Variants in ABCA13 observed in about 807,000 individuals in gnomAD.
ABCA13 encodes the protein ATP binding cassette subfamily A member 13.
ABCA13 carries 476 observed loss-of-function variants against 478.7 expected under a neutral mutation model. The ratio of observed to expected loss-of-function variants is 0.99; its 90% CI spans 0.92 to 1.07. ABCA13 has a LOEUF of 1.07. Ranked by LOEUF, ABCA13 falls within the 50% of genes least tolerant of loss-of-function variation. The pLI, the probability that ABCA13 is intolerant of heterozygous loss-of-function variation, is 0.00. For synonymous variants in ABCA13, 2,252 were observed against 2,158.9 expected, an observed-to-expected ratio of 1.04 and a Z score of -1.20; for missense variants, 6,060 against 5,910.6, an observed-to-expected ratio of 1.03 and a Z score of -0.83.
chr7:48,512,229 A>G (rs1309375751), intron 51 of ABCA13, among the ~76,000 whole-genome samples: 1 of 152,202 alleles, frequency 6.6e-6, no homozygotes, highest in East Asian at 1.9e-4. Context: ...TAGCTTTGGT[A>G]ATACTAATTA....
Position 48,587,251 on chromosome 7 carries a change from C to G in ABCA13, c.14603C>G (p.Ala4868Gly), listed in dbSNP as rs771406747. 6.2e-7 allele frequency: 1 copy of G among 1,611,222 alleles called. No individual in the cohort carries two copies. Among genetic ancestry groups the G allele is most frequent in the Non-Finnish European group, 8.5e-7 (1 of 1,178,690 alleles). Residue 4868 changes from alanine (A) to glycine (G), a missense_variant, in exon 57 of 62, where the codon GCC becomes GGC. This residue lies in a region of ABCA13 where 1,627 missense variants were observed against 1,571.0 expected (regional missense o/e 1.04). Coordinates refer to ENST00000435803, the MANE Select transcript of ABCA13 (RefSeq NM_152701.5). ...SGGTKRKLST[A>G]LALVGKPDIL... ...GGAACCAAGCGGAAACTCTCTACAGCCCTGGCCCTGGTGGGGAAACCTGAC... is the reference window on the plus strand; with the variant it reads ...GGAACCAAGCGGAAACTCTCTACAGGCCTGGCCCTGGTGGGGAAACCTGAC...
chr7:48,291,215 C>A (rs1477527152), intron 20 of ABCA13, among the ~76,000 whole-genome samples: 1 of 152,164 alleles, frequency 6.6e-6, no homozygotes, highest in Non-Finnish European at 1.5e-5. Flanking sequence ...GAGGCTGTGT[C>A]TCTTCTGGTA....
intron 55 of ABCA13, among the ~76,000 whole-genome samples, chr7:48,563,483 GAGATAAGAATGA>G (rs1786675430): frequency 6.6e-6 from 1 of 152,150 alleles, no homozygotes; most frequent in South Asian, 2.1e-4. Flanking sequence ...CTCAGATAAA[GAGATAAGAATGA>G]AGTCACCTGG....
chr7:48,325,471 T>C (rs766725475), intron 27 of ABCA13, among the ~76,000 whole-genome samples: 1 of 152,140 alleles, frequency 6.6e-6, no homozygotes, highest in Non-Finnish European at 1.5e-5. Context: ...TTTCAAAAAA[T>C]ATCAGACGGT....
rs1233654931 is a variant in ABCA13, at chr7:48,332,403, G to C, written c.10000-3019G>C. On this transcript the variant is annotated intron_variant, in intron 27 of 61. Transcript: ENST00000435803. ...TGGCTTACCACAGTTCATTGGCATTGAGATTTTACCACTTCAAACCAGGTA... is the reference window on the plus strand; with the variant it reads ...TGGCTTACCACAGTTCATTGGCATTCAGATTTTACCACTTCAAACCAGGTA... 3.9e-5 allele frequency among the ~76,000 whole-genome samples: 6 copies of C among 152,324 alleles called. No homozygotes were observed. In the East Asian group the frequency reaches 1.2e-3, roughly 29 times the overall value.
At chr7:48,183,832 T>A (rs1253661021) in intron 1 of ABCA13, among the ~76,000 whole-genome samples, 3 of 152,140 alleles carry the variant, frequency 2.0e-5, no homozygotes, top group Admixed American at 2.0e-4. Context: ...GACTTCCAAT[T>A]TTTTTTTCTT....
rs928371929 is a variant in ABCA13, at chr7:48,388,093, T to G, written c.11473+134T>G. 11 of 959,320 alleles carry G rather than the reference T, an allele frequency of 1.1e-5. No individual in the cohort carries two copies. In the South Asian group the frequency reaches 1.8e-4, roughly 15 times the overall value. The allele number at this position is 959,320 out of a possible 1,614,324, so 59.4% of individuals were successfully genotyped here. On this transcript the variant is annotated intron_variant, in intron 36 of 61. Coordinates refer to ENST00000435803, the MANE Select transcript of ABCA13 (RefSeq NM_152701.5). ...AGAGAGACTTACATTTAGGCTGTCT[T>G]GGGCTGGGAAACAGCTGCAAGCCCA...
rs117130625 is a variant in ABCA13 at position 48,583,155 on chromosome 7, A to G, written c.14505+2781A>G. Among the ~76,000 whole-genome samples, 414 of 152,302 alleles carry G rather than the reference A, an allele frequency of 2.7e-3. 1 individual carries two copies. Among genetic ancestry groups the G allele is most frequent in the Non-Finnish European group, 4.9e-3 (333 of 68,026 alleles). On this transcript the variant is annotated intron_variant, in intron 56 of 61. Coordinates refer to ENST00000435803, the MANE Select transcript of ABCA13 (RefSeq NM_152701.5). ...TCATCTTAGTTTTGTTAATACCTGC[A>G]CATTCCTACCAGGGACTGTCCCTAC...
intron 57 of ABCA13, among the ~76,000 whole-genome samples, chr7:48,591,565 T>C (rs1299931438): frequency 1.3e-5 from 2 of 152,000 alleles, no homozygotes; most frequent in Non-Finnish European, 2.9e-5. Flanking sequence ...TCGCTTTGGG[T>C]AATATGGACA....
intron 32 of ABCA13, among the ~76,000 whole-genome samples, chr7:48,371,406 T>C (rs906335518): frequency 1.3e-5 from 2 of 152,200 alleles, no homozygotes; most frequent in Non-Finnish European, 2.9e-5. Context: ...ATTCTTCCTA[T>C]CCATGACCAT....
intron 27 of ABCA13, among the ~76,000 whole-genome samples, chr7:48,330,481 A>G (rs1046970221): frequency 1.1e-4 from 13 of 119,052 alleles, no homozygotes; most frequent in African/African-American, 3.1e-4. Context: ...TTGTCCATCC[A>G]TCCGTCCATC....
At chr7:48,258,546 A>G (rs756075229) in intron 15 of ABCA13, among the ~76,000 whole-genome samples, 3 of 151,898 alleles carry the variant, frequency 2.0e-5, no homozygotes, top group Non-Finnish European at 4.4e-5. Flanking sequence ...GCTCTGCATC[A>G]TTGATCTTTT....
chr7:48,350,280 T>C (rs767137942), intron 29 of ABCA13, among the ~76,000 whole-genome samples: 1 of 152,208 alleles, frequency 6.6e-6, no homozygotes, highest in Non-Finnish European at 1.5e-5. Context: ...TGGAACTTTT[T>C]TTTTCCCCTG....
chr7:48,238,637 C>T (rs56322739), intron 8 of ABCA13, among the ~76,000 whole-genome samples: 25,593 of 151,828 alleles, frequency 0.17, 2,642 homozygotes, highest in African/African-American at 0.3. Flanking sequence ...CCTGGCTAAT[C>T]TTTTGTATTT....
rs150512386 is a variant in ABCA13 at position 48,351,776 on chromosome 7, C to T, written c.10382-405C>T. On this transcript the variant is annotated intron_variant, in intron 30 of 61. Transcript: ENST00000435803. ...CTTTATGCATACAATTCAAAGAATC[C>T]GTGTGGCATAAAATAGAATCCATGT... 1.2e-4 allele frequency among the ~76,000 whole-genome samples: 18 copies of T among 152,202 alleles called. No individual in the cohort carries two copies. The East Asian group carries it at 2.3e-3, about 20-fold the overall frequency.
chr7:48,546,567 A>C (rs1784830909), intron 55 of ABCA13, among the ~76,000 whole-genome samples: 2 of 146,490 alleles, frequency 1.4e-5, no homozygotes, highest in Admixed American at 1.4e-4. Flanking sequence ...ATAAACTCTT[A>C]AGACAAAAGC....
intron 45 of ABCA13, among the ~76,000 whole-genome samples, chr7:48,472,775 G>C (rs902433543): frequency 6.6e-6 from 1 of 152,120 alleles, no homozygotes; most frequent in Non-Finnish European, 1.5e-5. Context: ...ACGAATCCCT[G>C]GCAGTCCCCA....
chr7:48,290,558 A>ATG (rs1203527165), intron 20 of ABCA13, among the ~76,000 whole-genome samples: 1 of 152,218 alleles, frequency 6.6e-6, no homozygotes, highest in African/African-American at 2.4e-5. Context: ...CTGGGGTAGA[A>ATG]TGTGCACTTT....
At chr7:48,338,543 C>A in intron 29 of ABCA13, 88 bp downstream of exon 29, 1 of 913,522 alleles carries the variant, frequency 1.1e-6, no homozygotes, top group African/African-American at 1.7e-5. Flanking sequence ...CATGGCATTG[C>A]TAGGTGACTT....
Sources: allele counts gnomAD v4.1 joint callset (sites outside exome capture counted in the v4.1 genomes callset), GRCh38; gene constraint gnomAD v4.1.1; regional missense constraint gnomAD v4.1.1; transcripts MANE v1.5; gene names NCBI Gene and HGNC (gene_info 2026-07-23, HGNC 2026-07-21).